The following IMPG1 variants were observed in gnomAD, a reference collection of about 807,000 sequenced individuals.
IMPG1 encodes interphotoreceptor matrix proteoglycan of 150 kDa.
A neutral mutation model predicts 92.0 loss-of-function variants in IMPG1; 85 were observed. The observed-to-expected ratio is 0.92, with a 90% CI of 0.78 to 1.11. The LOEUF is 1.11. Ranked by LOEUF, IMPG1 falls within the 50% of genes least tolerant of loss-of-function variation. The probability of loss-of-function intolerance (pLI) is 0.00; values close to 1 mark genes in which losing one functional copy is unlikely to be tolerated. For missense variants in IMPG1, 1,022 were observed against 956.0 expected (o/e 1.07, Z -0.91); for synonymous variants, 367 against 334.1 (o/e 1.10, Z -1.08).
At chr6:76,036,734 T>G (rs533587474) in intron 2 of IMPG1, among the ~76,000 whole-genome samples, 18 of 152,304 alleles carry the variant, frequency 1.2e-4, no homozygotes, top group Admixed American at 3.9e-4. Flanking sequence ...CATTTCCTAC[T>G]GTTAAGAAGA....
chr6:76,034,276 C>G lies in IMPG1; in HGVS notation c.497+39G>C, dbSNP rs978634747. ...CTCCATTATATGATCTTTTTAAATTCAAAAGCACACACACACACACTCTAT... is the reference window on the plus strand; with the variant it reads ...CTCCATTATATGATCTTTTTAAATTGAAAAGCACACACACACACACTCTAT... On this transcript the variant is annotated intron_variant, in intron 4 of 16. Coordinates refer to ENST00000369950, the MANE Select transcript of IMPG1 (RefSeq NM_001563.4). 5 of 1,596,392 alleles carry G rather than the reference C, an allele frequency of 3.1e-6. No homozygotes were observed. In the African/African-American group the frequency reaches 5.4e-5, roughly 17 times the overall value.
chr6:75,931,236 C>G, intron 14 of IMPG1, 85 bp from the exon 15 acceptor site: 1 of 1,265,934 alleles, frequency 7.9e-7, no homozygotes, highest in South Asian at 1.3e-5. Context: ...AGACCAAATA[C>G]ATTTGCTATT....
chr6:76,023,627 G>T (rs1171809550), intron 5 of IMPG1, among the ~76,000 whole-genome samples: 1 of 152,004 alleles, frequency 6.6e-6, no homozygotes, highest in Non-Finnish European at 1.5e-5. Context: ...TTCAACTGGA[G>T]GTGTCCAGAA....
At chr6:75,972,274 C>A (rs1464372543) in intron 12 of IMPG1, among the ~76,000 whole-genome samples, 1 of 152,188 alleles carries the variant, frequency 6.6e-6, no homozygotes, top group Non-Finnish European at 1.5e-5. Context: ...TCCCAACCAA[C>A]ATGCAAGATA....
At chr6:76,058,071 C>A (rs1784149939) in intron 1 of IMPG1, among the ~76,000 whole-genome samples, 2 of 151,844 alleles carry the variant, frequency 1.3e-5, no homozygotes, top group Admixed American at 1.3e-4. Context: ...TTTTGTGAGT[C>A]CCTAGCATAT....
At position 76,005,335 on chromosome 6, in the gene IMPG1, G is replaced by A; in HGVS notation, c.1087C>T (p.Leu363=). 1.2e-6 allele frequency: 2 copies of A among 1,613,928 alleles called. No homozygotes were observed. Among genetic ancestry groups the A allele is most frequent in the South Asian group, 2.2e-5 (2 of 91,076 alleles). Residue 363 remains leucine, a synonymous_variant, in exon 10 of 17, where the codon CTA becomes TTA. Transcript: ENST00000369950. The part of the protein sequence containing the change: ...TDLKRLISKA[L]EEEQSLDVGT... ...ACATCCAAAGATTGTTCTTCCTCTA[G>A]TGCTTTGCTGATCAGCCTTTTGAGG...
At chr6:75,982,586 G>GAT (rs554281613) in intron 12 of IMPG1, among the ~76,000 whole-genome samples, 47 of 145,834 alleles carry the variant, frequency 3.2e-4, no homozygotes, top group African/African-American at 8.3e-4. Flanking sequence ...GATATATATA[G>GAT]ATATATATAT....
At chr6:76,060,038 T>G (rs1347746013) in intron 1 of IMPG1, among the ~76,000 whole-genome samples, 1 of 152,230 alleles carries the variant, frequency 6.6e-6, no homozygotes, top group Non-Finnish European at 1.5e-5. Context: ...TTCACTAATT[T>G]TGAGGTTCTG....
intron 2 of IMPG1, among the ~76,000 whole-genome samples, chr6:76,041,126 C>T (rs1783829993): frequency 6.6e-6 from 1 of 152,080 alleles, no homozygotes; most frequent in South Asian, 2.1e-4. Flanking sequence ...TTAATAGTAG[C>T]TACCAAAGAT....
chr6:75,926,513 A>G (rs1426717109), intron 15 of IMPG1, among the ~76,000 whole-genome samples: 2 of 152,226 alleles, frequency 1.3e-5, no homozygotes, highest in African/African-American at 4.8e-5. Flanking sequence ...GTCACTGTGT[A>G]CCATCATTTA....
At chr6:76,037,217 G>T (rs550413327) in intron 2 of IMPG1, among the ~76,000 whole-genome samples, 1 of 152,310 alleles carries the variant, frequency 6.6e-6, no homozygotes, top group South Asian at 2.1e-4. Flanking sequence ...CTTATTCCAT[G>T]TCTGGATTTC....
chr6:75,956,215 TC>T (rs1562347364), intron 12 of IMPG1, among the ~76,000 whole-genome samples: 1 of 152,224 alleles, frequency 6.6e-6, no homozygotes, highest in Non-Finnish European at 1.5e-5. Flanking sequence ...TGGTTGTGAA[TC>T]CATCCAGTCC....
intron 14 of IMPG1, among the ~76,000 whole-genome samples, chr6:75,946,088 T>C (rs895400614): frequency 2.0e-5 from 3 of 152,244 alleles, no homozygotes; most frequent in Non-Finnish European, 4.4e-5. Flanking sequence ...CCCTGGTTCC[T>C]TTTCAGTTCT....
chr6:76,022,995 A>G (rs76643474), intron 5 of IMPG1, among the ~76,000 whole-genome samples: 2,783 of 152,248 alleles, frequency 0.018, 84 homozygotes, highest in African/African-American at 0.063. Flanking sequence ...AAAATGATTC[A>G]ATCTTTCCTT....
At chr6:75,969,742 A>G (rs1782372889) in intron 12 of IMPG1, among the ~76,000 whole-genome samples, 1 of 152,070 alleles carries the variant, frequency 6.6e-6, no homozygotes, top group Non-Finnish European at 1.5e-5. Context: ...AAACAAACAA[A>G]CAAACAAACA....
rs775831334 is a variant in IMPG1, at chr6:75,931,137, G to T, written c.2059C>A (p.Pro687Thr). Reference protein sequence around the residue: ...LNIEPADQADPCKFLACGEFA... With the variant: ...LNIEPADQADTCKFLACGEFA... ...TCGCCGCAGGCCAGGAACTTGCAGG[G>T]ATCTGCTTGATCAGCTGTAAGAAAT... The change falls in exon 15 of 17, where the codon CCC becomes ACC. Residue 687 changes from proline to threonine, a missense_variant. Coordinates refer to ENST00000369950, the MANE Select transcript of IMPG1 (RefSeq NM_001563.4). 13 of 1,612,504 alleles carry T rather than the reference G, an allele frequency of 8.1e-6. No homozygotes were observed. Among genetic ancestry groups the T allele is most frequent in the Non-Finnish European group, 5.9e-6 (7 of 1,179,254 alleles).
rs758680444 is a variant in IMPG1, at chr6:76,005,347, T to G, written c.1075A>C (p.Ile359Leu). 3 of 1,614,062 alleles carry G rather than the reference T, an allele frequency of 1.9e-6. No individual in the cohort carries two copies. The highest frequency in any genetic ancestry group is 2.5e-6 in the Non-Finnish European group (3 of 1,179,930). The change falls in exon 10 of 17, where the codon ATC becomes CTC. Residue 359 changes from isoleucine (I) to leucine (L), a missense_variant. Ile to Leu is a conservative substitution (Grantham distance 5, BLOSUM62 2). Coordinates refer to ENST00000369950, the MANE Select transcript of IMPG1 (RefSeq NM_001563.4). ...TGTTCTTCCTCTAGTGCTTTGCTGA[T>G]CAGCCTTTTGAGGTCTGTAGCTGTG... ...YLTATDLKRL[I>L]SKALEEEQSL... is the part of the protein sequence containing the mutation.
chr6:76,043,848 C>A (rs1166761414), intron 1 of IMPG1, among the ~76,000 whole-genome samples: 1 of 152,206 alleles, frequency 6.6e-6, no homozygotes, highest in Non-Finnish European at 1.5e-5. Flanking sequence ...GTGATGTCAT[C>A]CTCGGGCAGG....
intron 7 of IMPG1, among the ~76,000 whole-genome samples, chr6:76,015,296 T>C (rs912295053): frequency 6.6e-6 from 1 of 152,162 alleles, no homozygotes; most frequent in African/African-American, 2.4e-5. Flanking sequence ...GTGGGGCTGA[T>C]TAGTTATCTG....
Sources: allele counts gnomAD v4.1 joint callset (sites outside exome capture counted in the v4.1 genomes callset), GRCh38; gene constraint gnomAD v4.1.1; transcripts MANE v1.5; gene names NCBI Gene and HGNC (gene_info 2026-07-23, HGNC 2026-07-21).